COL25A1: variants seen among roughly 807,000 people sequenced by gnomAD.
The protein encoded by COL25A1 is collagen type XXV alpha 1 chain, also known as collagen alpha-1(XXV) chain.
In COL25A1, 103 loss-of-function variants were observed where a neutral mutation model predicts 128.4. The ratio of observed to expected loss-of-function variants is 0.80; its 90% CI spans 0.68 to 0.94. COL25A1 has a LOEUF of 0.94. Ranked by LOEUF, COL25A1 falls within the 40% of genes least tolerant of loss-of-function variation. The pLI is 0.00. For missense variants in COL25A1, 745 were observed against 840.0 expected (o/e 0.89, Z 1.40); for synonymous variants, 279 against 277.2 (o/e 1.01, Z -0.06).
intron 3 of COL25A1, among the ~76,000 whole-genome samples, chr4:109,101,654 T>A (rs369623078): frequency 6.6e-6 from 1 of 152,180 alleles, no homozygotes; most frequent in South Asian, 2.1e-4. Context: ...AGTCTAGGTG[T>A]CTCTTGAACT....
At chr4:109,179,172 G>A (rs1257223905) in intron 3 of COL25A1, among the ~76,000 whole-genome samples, 1 of 152,110 alleles carries the variant, frequency 6.6e-6, no homozygotes, top group African/African-American at 2.4e-5. Flanking sequence ...TCAAGGTGAC[G>A]GTCACCACCT....
chr4:109,065,499 C>A (rs1219770001), intron 3 of COL25A1, among the ~76,000 whole-genome samples: 2 of 151,612 alleles, frequency 1.3e-5, no homozygotes, highest in Non-Finnish European at 1.5e-5. Context: ...CCAAGCAACA[C>A]CAAATGGCTT....
intron 3 of COL25A1, among the ~76,000 whole-genome samples, chr4:109,209,912 G>A (rs909853977): frequency 5.9e-5 from 9 of 151,988 alleles, no homozygotes; most frequent in Admixed American, 1.3e-4. Context: ...TTAGCCAGGC[G>A]TAATGGTGGA....
chr4:109,242,392 T>G (rs950789182), intron 3 of COL25A1, among the ~76,000 whole-genome samples: 43 of 152,052 alleles, frequency 2.8e-4, no homozygotes, highest in African/African-American at 1.0e-3. Context: ...TAAACACACA[T>G]ACCAACACTC....
At chr4:108,831,687 G>GGGA (rs1553944379) in intron 32 of COL25A1, among the ~76,000 whole-genome samples, 1 of 144,194 alleles carries the variant, frequency 6.9e-6, no homozygotes, top group African/African-American at 2.6e-5. Flanking sequence ...AGAGAGAGGG[G>GGGA]GAGAGAGAGA....
At chr4:108,990,676 G>C (rs945207152) in intron 6 of COL25A1, among the ~76,000 whole-genome samples, 2 of 152,152 alleles carry the variant, frequency 1.3e-5, no homozygotes, top group African/African-American at 4.8e-5. Flanking sequence ...GTGCTTATGT[G>C]AGAAGGTATA....
At position 109,188,784 on chromosome 4, in the gene COL25A1, T is replaced by C. The variant is rs567312664; in HGVS notation, c.367+111799A>G. Among the ~76,000 whole-genome samples the C allele has an allele frequency of 5.9e-5, 9 of 152,242 alleles. No homozygotes were observed. In the East Asian group the frequency reaches 1.7e-3, roughly 29 times the overall value. ...GGAAACATCTAAACATTATCTGCCA[T>C]GGAAATCCTCCATAGAATGCAAAAC... On this transcript the variant is annotated intron_variant, in intron 3 of 37. Coordinates refer to ENST00000399132, the MANE Select transcript of COL25A1 (RefSeq NM_198721.4).
chr4:109,203,985 T>A (rs891219369), intron 3 of COL25A1, among the ~76,000 whole-genome samples: 1 of 152,266 alleles, frequency 6.6e-6, no homozygotes, highest in Non-Finnish European at 1.5e-5. Flanking sequence ...AATAACAGAA[T>A]AAAATCTTCA....
chr4:108,826,703 A>G (rs1732430754), intron 33 of COL25A1, among the ~76,000 whole-genome samples: 1 of 152,188 alleles, frequency 6.6e-6, no homozygotes, highest in Admixed American at 6.5e-5. Flanking sequence ...AGCAAGAGTC[A>G]TTTTAGTAAA....
chr4:109,227,905 T>C (rs1362596835), intron 3 of COL25A1, among the ~76,000 whole-genome samples: 1 of 152,092 alleles, frequency 6.6e-6, no homozygotes, highest in Non-Finnish European at 1.5e-5. Context: ...ATGCTGGTAA[T>C]GGTGGCTCAG....
intron 32 of COL25A1, among the ~76,000 whole-genome samples, chr4:108,829,912 G>A (rs1578473732): frequency 6.6e-6 from 1 of 152,186 alleles, no homozygotes; most frequent in East Asian, 1.9e-4. Flanking sequence ...TCTGTTCTCT[G>A]CCAGTGTCTC....
intron 3 of COL25A1, among the ~76,000 whole-genome samples, chr4:109,055,880 T>A (rs1229205920): frequency 6.6e-6 from 1 of 152,228 alleles, no homozygotes; most frequent in Non-Finnish European, 1.5e-5. Flanking sequence ...TGACTTTTTT[T>A]ATTCAGATTT....
rs930506035 is a variant in COL25A1 at position 108,861,096 on chromosome 4, C to T, written c.1198-125G>A. The T allele has an allele frequency of 5.7e-6, 4 of 707,448 alleles. No homozygotes were observed. In the Admixed American group the frequency reaches 1.0e-4, roughly 18 times the overall value. 43.8% of individuals were successfully genotyped at this position (707,448 alleles called of 1,614,324 possible). A position where few individuals can be genotyped will look rare whatever the true frequency, so the allele number is the denominator to read the frequency against. On this transcript the variant is annotated intron_variant, in intron 22 of 37. Coordinates refer to ENST00000399132, the MANE Select transcript of COL25A1 (RefSeq NM_198721.4). The stretch of plus-strand genomic sequence containing the variant: ...GAACTTCTGAAGTGAAAAACAACAG[C>T]AACCACCACCAAAATAGCAAATGCT...
intron 8 of COL25A1, among the ~76,000 whole-genome samples, chr4:108,962,948 A>T (rs1750891753): frequency 6.6e-6 from 1 of 152,192 alleles, no homozygotes; most frequent in African/African-American, 2.4e-5. Flanking sequence ...CTACAAAGCC[A>T]GTCTTGTTTG....
In COL25A1 at chr4:109,226,294, G is replaced by A. The variant is rs144701462; in HGVS notation, c.367+74289C>T. On this transcript the variant is annotated intron_variant, in intron 3 of 37. Coordinates refer to ENST00000399132, the MANE Select transcript of COL25A1 (RefSeq NM_198721.4). ...TGAGTACAATGTACCCTGGGTGATG[G>A]TTACACTAAAAGCTCAGACTTTACC... is the stretch of plus-strand genomic sequence containing the variant. Among the ~76,000 whole-genome samples, 151 of 152,162 alleles carry A rather than the reference G, an allele frequency of 9.9e-4. No individual in the cohort carries two copies. The East Asian group carries it at 0.018, about 18-fold the overall frequency.
At chr4:108,938,564 G>C (rs1292301582) in intron 10 of COL25A1, among the ~76,000 whole-genome samples, 2 of 152,084 alleles carry the variant, frequency 1.3e-5, no homozygotes, top group Non-Finnish European at 2.9e-5. Flanking sequence ...ACTACAGCTT[G>C]GGCAACACAG....
chr4:109,106,215 G>A (rs899257809), intron 3 of COL25A1, among the ~76,000 whole-genome samples: 8 of 152,004 alleles, frequency 5.3e-5, no homozygotes, highest in Admixed American at 5.2e-4. Flanking sequence ...TCCTACAGTA[G>A]GCTATTGTGA....
intron 3 of COL25A1, among the ~76,000 whole-genome samples, chr4:109,086,540 T>C (rs564846578): frequency 3.3e-5 from 5 of 152,326 alleles, no homozygotes; most frequent in African/African-American, 1.2e-4. Flanking sequence ...CCATATGACA[T>C]TTAAAATATT....
chr4:109,033,661 A>G lies in COL25A1; in HGVS notation c.420+14507T>C, dbSNP rs556650829. Among the ~76,000 whole-genome samples the G allele has an allele frequency of 4.6e-5, 7 of 152,298 alleles. No homozygotes were observed. The East Asian group carries it at 1.4e-3, about 29-fold the overall frequency. ...AAATTGTCTTCAACATCTCCCTTTC[A>G]TGAAGAGCACATAGCAGGTAAAGAA... On this transcript the variant is annotated intron_variant, in intron 5 of 37. Coordinates refer to ENST00000399132, the MANE Select transcript of COL25A1 (RefSeq NM_198721.4).
Sources: gnomAD v4.1 joint callset for allele counts (sites outside exome capture counted in the v4.1 genomes callset) on GRCh38, gnomAD v4.1.1 for gene constraint, MANE v1.5 for transcripts, NCBI Gene and HGNC (gene_info 2026-07-23, HGNC 2026-07-21) for gene names.